LAMA1: variants seen among roughly 807,000 people sequenced by gnomAD.
The protein encoded by LAMA1 is laminin subunit alpha-1.
Under a neutral mutation model 348.7 loss-of-function variants are expected in LAMA1, and 219 were observed. The observed-to-expected ratio is 0.63, with a 90% CI of 0.56 to 0.70. LAMA1 has a LOEUF of 0.70. LAMA1 is among the 30% of genes least tolerant of loss of function. The probability of loss-of-function intolerance (pLI) is 0.00; values close to 1 mark genes in which losing one functional copy is unlikely to be tolerated. For synonymous variants in LAMA1, 1,487 were observed against 1,491.0 expected (o/e 1.00, Z 0.06); for missense variants, 3,744 against 3,888.0 (o/e 0.96, Z 0.99).
intron 28 of LAMA1, 108 bp downstream of exon 28, chr18:7,008,380 A>G: frequency 7.9e-7 from 1 of 1,264,598 alleles, no homozygotes; most frequent in South Asian, 1.4e-5. Flanking sequence ...AAAAGAGAAA[A>G]AAATGATATA....
intron 29 of LAMA1, 26 bp from the exon 30 acceptor site, chr18:7,002,411 G>C (rs761541049): frequency 6.2e-7 from 1 of 1,608,654 alleles, no homozygotes; most frequent in Admixed American, 1.7e-5. Context: ...TAAAGGAAGG[G>C]GGAAAAAATG....
chr18:7,022,171 A>G (rs913610963), intron 19 of LAMA1, among the ~76,000 whole-genome samples: 1 of 152,046 alleles, frequency 6.6e-6, no homozygotes, highest in Admixed American at 6.6e-5. Context: ...TTGAATCACA[A>G]TTTCCCAACT....
intron 10 of LAMA1, 119 bp downstream of exon 10, chr18:7,039,957 G>T: frequency 8.9e-7 from 1 of 1,120,394 alleles, no homozygotes. Context: ...GGGGCAAGGG[G>T]AGTTCTGCTT....
intron 62 of LAMA1, among the ~76,000 whole-genome samples, chr18:6,942,601 A>T (rs2057503974): frequency 6.6e-6 from 1 of 151,920 alleles, no homozygotes; most frequent in Admixed American, 6.6e-5. Context: ...TTTAGTAGAG[A>T]GAGGGTTTCA....
At chr18:7,078,816 G>A (rs1035240643) in intron 3 of LAMA1, among the ~76,000 whole-genome samples, 14 of 151,770 alleles carry the variant, frequency 9.2e-5, no homozygotes, top group African/African-American at 3.4e-4. Context: ...GTGAAATCCT[G>A]TCTACTAAAA....
intron 18 of LAMA1, among the ~76,000 whole-genome samples, chr18:7,023,854 TTTGAGATA>T (rs2057930316): frequency 1.3e-5 from 2 of 152,200 alleles, no homozygotes; most frequent in Non-Finnish European, 2.9e-5. Context: ...TGTTTTGTTT[TTTGAGATA>T]GAGTCTCACT....
intron 19 of LAMA1, among the ~76,000 whole-genome samples, chr18:7,020,571 C>T (rs116558061): frequency 6.6e-6 from 1 of 152,078 alleles, no homozygotes; most frequent in Non-Finnish European, 1.5e-5. Flanking sequence ...CGAGGGGATG[C>T]GAGAGAAGGG....
rs779955450 is a variant in LAMA1, at chr18:7,010,211, C to G, written c.3862G>C (p.Ala1288Pro). Residue 1288 changes from alanine (A) to proline (P), a missense_variant, in exon 26 of 63, where the codon GCA becomes CCA. By Grantham distance (27) the Ala-to-Pro change is conservative (BLOSUM62 -1). This residue lies in a region of LAMA1 where 1,529 missense variants were observed against 1,689.4 expected (regional missense o/e 0.91). Coordinates refer to ENST00000389658, the MANE Select transcript of LAMA1 (RefSeq NM_005559.4). ...GATCCCATTATCACCTCTCTCATTG[C>G]TACTTCTTGTTCCTGTCTCACTCCA... ...ENGVRQEQEV[A>P]MRENFWKYFN... is the part of the protein sequence containing the mutation. 4 of 1,614,152 alleles carry G rather than the reference C, an allele frequency of 2.5e-6. No homozygotes were observed. Among genetic ancestry groups the G allele is most frequent in the Non-Finnish European group, 3.4e-6 (4 of 1,180,010 alleles).
At chr18:7,065,247 A>C (rs1405614447) in intron 3 of LAMA1, among the ~76,000 whole-genome samples, 3 of 151,046 alleles carry the variant, frequency 2.0e-5, no homozygotes, top group Admixed American at 1.3e-4. Context: ...AAAAAAAAAA[A>C]AAAAAACAAC....
chr18:6,982,681 C>G (rs2057717529), intron 40 of LAMA1, 91 bp from the exon 41 acceptor site: 1 of 1,038,918 alleles, frequency 9.6e-7, no homozygotes. Flanking sequence ...GAGTAGCCCC[C>G]AGACACATTC....
chr18:6,986,021 G>A, intron 37 of LAMA1, 116 bp downstream of exon 37: 1 of 1,133,720 alleles, frequency 8.8e-7, no homozygotes, highest in Non-Finnish European at 1.3e-6. Flanking sequence ...GCCTCCCAAA[G>A]TGCTGGGATT....
chr18:7,008,390 AGTAGATACACATAAGTTCT>A, intron 28 of LAMA1, 79 bp downstream of exon 28: 2 of 1,337,854 alleles, frequency 1.5e-6, no homozygotes, highest in Non-Finnish European at 2.1e-6. Flanking sequence ...AAAATGATAT[AGTAGATACACATAAGTTCT>A]GTTCATCTCT....
chr18:6,951,735 G>C (rs1304574745), intron 57 of LAMA1, among the ~76,000 whole-genome samples: 1 of 152,206 alleles, frequency 6.6e-6, no homozygotes, highest in African/African-American at 2.4e-5. Context: ...TTAGACCAGG[G>C]TGGCGGTGGG....
intron 1 of LAMA1, among the ~76,000 whole-genome samples, chr18:7,100,058 CAAAAAAAAAAA>C (rs3038921): frequency 2.5e-5 from 2 of 79,704 alleles, no homozygotes; most frequent in Non-Finnish European, 4.9e-5. Context: ...GACTTTGTCT[CAAAAAAAAAAA>C]AAAAAAAAAA....
intron 3 of LAMA1, among the ~76,000 whole-genome samples, chr18:7,058,567 G>A (rs1485792486): frequency 6.6e-6 from 1 of 152,176 alleles, no homozygotes; most frequent in Non-Finnish European, 1.5e-5. Context: ...TGAGGGCATT[G>A]TAGTGGGCCC....
chr18:7,064,371 T>C, intron 3 of LAMA1, among the ~76,000 whole-genome samples: 1 of 152,112 alleles, frequency 6.6e-6, no homozygotes, highest in Non-Finnish European at 1.5e-5. Flanking sequence ...GAATGTAGTA[T>C]TTCTAGGCAG....
Position 6,977,835 on chromosome 18 carries a change from G to T in LAMA1, c.6237C>A (p.Asn2079Lys). ...RKVKDVEIQA[N>K]LLFDRLKPLK... ...AAGGCTTCAACCGATCAAACAAAAG[G>T]TTGGCTTGAATTTCCACGTCTTTGA... The change falls in exon 44 of 63, where the codon AAC becomes AAA. Residue 2079 changes from asparagine (N) to lysine (K), a missense_variant. Around this residue, in one of 3 missense-constraint regions of LAMA1, gnomAD observed 1,983 missense variants for 1,934.3 expected, o/e 1.03. Coordinates refer to ENST00000389658, the MANE Select transcript of LAMA1 (RefSeq NM_005559.4). 1 of 1,614,008 alleles carries T rather than the reference G, an allele frequency of 6.2e-7. No individual in the cohort carries two copies. The highest frequency in any genetic ancestry group is 1.7e-5 in the Admixed American group (1 of 60,024).
chr18:7,097,030 G>GCAGAA (rs147944042), intron 1 of LAMA1, among the ~76,000 whole-genome samples: 2,408 of 152,282 alleles, frequency 0.016, 36 homozygotes, highest in Middle Eastern at 0.041. Context: ...TCAGAGCAGA[G>GCAGAA]CAGAAGCACA....
Position 7,032,283 on chromosome 18 carries a change from A to G in LAMA1, c.2164-107T>C, listed in dbSNP as rs531107802. The G allele has an allele frequency of 8.1e-4, 601 of 737,910 alleles. 3 individuals are homozygous for G. Among genetic ancestry groups the G allele is most frequent in the South Asian group, 1.3e-3 (86 of 67,728 alleles). The allele number at this position is 737,910 out of a possible 1,614,324, so 45.7% of individuals were successfully genotyped here. On this transcript the variant is annotated intron_variant, in intron 15 of 62. Transcript: ENST00000389658. ...TTTTCTTAAACATCTTAACTGAGGT[A>G]TCATTTACATGCTACACAATTCACC... is the stretch of plus-strand genomic sequence containing the variant.
Sources: gnomAD v4.1 joint callset for allele counts (sites outside exome capture counted in the v4.1 genomes callset) on GRCh38, gnomAD v4.1.1 for gene constraint, gnomAD v4.1.1 regional missense constraint, MANE v1.5 for transcripts, NCBI Gene and HGNC (gene_info 2026-07-23, HGNC 2026-07-21) for gene names.